The following SPAG16 variants were observed in gnomAD, a reference collection of about 807,000 sequenced individuals.
The protein encoded by SPAG16 is sperm associated antigen 16.
A neutral mutation model predicts 80.4 loss-of-function variants in SPAG16; 86 were observed. That is an observed-to-expected ratio of 1.07 (90% CI 0.90 to 1.28). SPAG16 has a LOEUF of 1.28. Ranked by LOEUF, SPAG16 falls within the 50% of genes most tolerant of loss-of-function variation. The pLI is 0.00. For synonymous variants in SPAG16, 294 were observed against 265.9 expected (o/e 1.11, Z -1.03); for missense variants, 870 against 765.3 (o/e 1.14, Z -1.61).
At chr2:214,195,084 G>C (rs73081039) in intron 15 of SPAG16, among the ~76,000 whole-genome samples, 6 of 152,138 alleles carry the variant, frequency 3.9e-5, no homozygotes, top group African/African-American at 1.4e-4. Context: ...AAGCTACAGG[G>C]ATGGCCTCTT....
intron 9 of SPAG16, among the ~76,000 whole-genome samples, chr2:213,486,176 A>G (rs1191347478): frequency 2.0e-5 from 3 of 152,070 alleles, no homozygotes; most frequent in African/African-American, 7.3e-5. Context: ...TATTTCTTCT[A>G]TGAAACTATG....
At chr2:213,883,067 C>T (rs1363069214) in intron 11 of SPAG16, among the ~76,000 whole-genome samples, 9 of 152,070 alleles carry the variant, frequency 5.9e-5, no homozygotes. Flanking sequence ...GGGGTTTCAC[C>T]GTGTTAGCCA....
intron 13 of SPAG16, among the ~76,000 whole-genome samples, chr2:214,022,639 T>A (rs929781528): frequency 2.0e-5 from 3 of 151,950 alleles, no homozygotes; most frequent in African/African-American, 7.3e-5. Context: ...AATGGTTGGA[T>A]AATAGGTGCT....
At chr2:213,702,473 C>T (rs530481720) in intron 10 of SPAG16, among the ~76,000 whole-genome samples, 2 of 152,078 alleles carry the variant, frequency 1.3e-5, no homozygotes, top group South Asian at 4.2e-4. Flanking sequence ...ACGAACTCAC[C>T]AAAAGGAACA....
At chr2:214,158,387 C>T (rs1424162393) in intron 15 of SPAG16, among the ~76,000 whole-genome samples, 1 of 151,890 alleles carries the variant, frequency 6.6e-6, no homozygotes, top group Non-Finnish European at 1.5e-5. Flanking sequence ...AAAAATTGAG[C>T]CCCAAACATA....
At chr2:214,008,298 CATA>C (rs145951283) in intron 12 of SPAG16, among the ~76,000 whole-genome samples, 3,792 of 152,118 alleles carry the variant, frequency 0.025, 158 homozygotes, top group African/African-American at 0.087. Flanking sequence ...AATCTTTGAA[CATA>C]ATAATAATAA....
At chr2:214,214,370 A>G (rs1000728320) in intron 15 of SPAG16, among the ~76,000 whole-genome samples, 1 of 152,032 alleles carries the variant, frequency 6.6e-6, no homozygotes, top group Non-Finnish European at 1.5e-5. Flanking sequence ...GGATTTCACC[A>G]TGTTGGCCAG....
chr2:214,026,582 C>T (rs2048143185), intron 13 of SPAG16, among the ~76,000 whole-genome samples: 1 of 151,292 alleles, frequency 6.6e-6, no homozygotes, highest in African/African-American at 2.4e-5. Context: ...TAATGAAATT[C>T]CAAGGAGATC....
intron 10 of SPAG16, among the ~76,000 whole-genome samples, chr2:213,632,228 G>A (rs1290847104): frequency 1.3e-5 from 2 of 151,934 alleles, no homozygotes; most frequent in Non-Finnish European, 2.9e-5. Flanking sequence ...TTAATTTTAT[G>A]TGTGGCTACA....
At chr2:214,362,640 G>GT (rs1056665064) in intron 15 of SPAG16, among the ~76,000 whole-genome samples, 2 of 151,706 alleles carry the variant, frequency 1.3e-5, no homozygotes, top group Non-Finnish European at 2.9e-5. Flanking sequence ...ACAAATATAT[G>GT]TTTAACAATT....
intron 15 of SPAG16, among the ~76,000 whole-genome samples, chr2:214,185,592 A>G (rs6707455): frequency 0.19 from 28,825 of 152,110 alleles, 3,181 homozygotes; most frequent in South Asian, 0.27. Flanking sequence ...ACAGTTACAT[A>G]AATGTATTTT....
At chr2:213,975,420 A>G (rs1022540820) in intron 12 of SPAG16, among the ~76,000 whole-genome samples, 1 of 151,772 alleles carries the variant, frequency 6.6e-6, no homozygotes. Flanking sequence ...ATGACAATTT[A>G]TTAACATGTT....
chr2:213,299,824 T>C (rs1483048412), intron 3 of SPAG16, among the ~76,000 whole-genome samples: 1 of 152,178 alleles, frequency 6.6e-6, no homozygotes, highest in Non-Finnish European at 1.5e-5. Flanking sequence ...TATCAGTAGT[T>C]TCTTGAAATT....
chr2:214,018,181 AT>A (rs1339913252), intron 13 of SPAG16, among the ~76,000 whole-genome samples: 2 of 152,162 alleles, frequency 1.3e-5, no homozygotes, highest in Non-Finnish European at 1.5e-5. Context: ...TAATCCAAAA[AT>A]TAAACAGAAT....
chr2:214,194,532 AT>A (rs1379677883), intron 15 of SPAG16, among the ~76,000 whole-genome samples: 2 of 152,032 alleles, frequency 1.3e-5, no homozygotes, highest in African/African-American at 4.8e-5. Context: ...AATTCTTCAA[AT>A]TTGTGTCTGT....
intron 10 of SPAG16, among the ~76,000 whole-genome samples, chr2:213,812,248 G>A (rs910352165): frequency 5.3e-5 from 8 of 152,172 alleles, no homozygotes; most frequent in African/African-American, 1.7e-4. Context: ...ACTGGAATAA[G>A]TATGGAATAA....
At chr2:213,918,199 G>C (rs752799108) in intron 11 of SPAG16, among the ~76,000 whole-genome samples, 2 of 152,042 alleles carry the variant, frequency 1.3e-5, no homozygotes, top group African/African-American at 2.4e-5. Context: ...TTTTGTATCA[G>C]TGTTCATCAA....
chr2:213,655,733 C>A (rs1428361993), intron 10 of SPAG16, among the ~76,000 whole-genome samples: 1 of 152,128 alleles, frequency 6.6e-6, no homozygotes, highest in Non-Finnish European at 1.5e-5. Context: ...CTTGGTTGAT[C>A]AAATCCTATC....
At chr2:213,889,062 A>G (rs945233930) in intron 11 of SPAG16, among the ~76,000 whole-genome samples, 1 of 151,960 alleles carries the variant, frequency 6.6e-6, no homozygotes, top group Non-Finnish European at 1.5e-5. Context: ...TAAAGGCCAT[A>G]TTGTAAATGT....
Sources: allele counts gnomAD v4.1 joint callset (sites outside exome capture counted in the v4.1 genomes callset), GRCh38; gene constraint gnomAD v4.1.1; transcripts MANE v1.5; gene names NCBI Gene and HGNC (gene_info 2026-07-23, HGNC 2026-07-21).